Variants in MAP7 observed in about 807,000 individuals in gnomAD.
The protein encoded by MAP7 is microtubule associated protein 7.
A neutral mutation model predicts 94.8 loss-of-function variants in MAP7; 52 were observed. That is an observed-to-expected ratio of 0.55 (90% CI 0.44 to 0.69). The LOEUF (loss-of-function observed/expected upper bound fraction) is 0.69, where lower values mean the gene tolerates loss of function less well. MAP7 is among the 30% of genes least tolerant of loss of function. MAP7 has a pLI of 0.00. For missense variants in MAP7, 940 were observed against 964.6 expected, an observed-to-expected ratio of 0.97 and a Z score of 0.34; for synonymous variants, 350 against 357.0, an observed-to-expected ratio of 0.98 and a Z score of 0.22.
At chr6:136,460,893 A>G (rs756257022) in intron 1 of MAP7, among the ~76,000 whole-genome samples, 10 of 152,152 alleles carry the variant, frequency 6.6e-5, no homozygotes, top group Non-Finnish European at 1.0e-4. Context: ...CAATGAGAAC[A>G]CATCATTTTC....
chr6:136,381,919 C>CAGAG (rs1554237619), intron 6 of MAP7, among the ~76,000 whole-genome samples: 1,346 of 102,960 alleles, frequency 0.013, 26 homozygotes, highest in Non-Finnish European at 0.02. Flanking sequence ...CACACACACA[C>CAGAG]AGAGAGAGAG....
intron 1 of MAP7, among the ~76,000 whole-genome samples, chr6:136,449,972 T>C (rs1273073324): frequency 6.6e-6 from 1 of 152,206 alleles, no homozygotes; most frequent in Non-Finnish European, 1.5e-5. Context: ...GCAGATCACC[T>C]GAGGTCAGGA....
At position 136,372,602 on chromosome 6, in the gene MAP7, G is replaced by A. The variant is rs1774884687; in HGVS notation, c.775C>T (p.Pro259Ser). Residue 259 changes from proline to serine, a missense_variant, in exon 8 of 18, where the codon CCC (proline) becomes TCC (serine). Pro to Ser is a moderately conservative substitution (Grantham distance 74, BLOSUM62 -1). Transcript: ENST00000354570. ...TTTCTAGAGTGTGCAGCTTTGTAGGGCATGATGATGGGGCTGCAAGATGCT... is the reference window on the plus strand; with the variant it reads ...TTTCTAGAGTGTGCAGCTTTGTAGGACATGATGATGGGGCTGCAAGATGCT... ...EAASCSPIIMPYKAAHSRNSM... is the reference protein window; with the variant it reads ...EAASCSPIIMSYKAAHSRNSM... 2 of 1,614,046 alleles carry A rather than the reference G, an allele frequency of 1.2e-6. No individual in the cohort carries two copies. Among genetic ancestry groups the A allele is most frequent in the Non-Finnish European group, 1.7e-6 (2 of 1,180,030 alleles).
At chr6:136,547,991 C>G (rs1829860782) in intron 1 of MAP7, among the ~76,000 whole-genome samples, 1 of 151,924 alleles carries the variant, frequency 6.6e-6, no homozygotes, top group Non-Finnish European at 1.5e-5. Flanking sequence ...ATAATGAGTT[C>G]TAAAAAGAAA....
At chr6:136,460,425 AT>A (rs1804810455) in intron 1 of MAP7, among the ~76,000 whole-genome samples, 1 of 152,212 alleles carries the variant, frequency 6.6e-6, no homozygotes, top group South Asian at 2.1e-4. Flanking sequence ...ATTAAAATAA[AT>A]ACATTTACTT....
intron 1 of MAP7, among the ~76,000 whole-genome samples, chr6:136,524,424 T>C (rs903201487): frequency 2.6e-5 from 4 of 152,220 alleles, no homozygotes; most frequent in Non-Finnish European, 5.9e-5. Context: ...GGCAAAATGA[T>C]TTGCTGCTAA....
intron 8 of MAP7, among the ~76,000 whole-genome samples, chr6:136,368,195 G>C (rs1794807410): frequency 6.6e-6 from 1 of 151,850 alleles, no homozygotes; most frequent in South Asian, 2.1e-4. Context: ...CCCAACCAGG[G>C]AGTTTTTTTT....
At chr6:136,478,896 A>G (rs1196606326) in intron 1 of MAP7, among the ~76,000 whole-genome samples, 1 of 150,704 alleles carries the variant, frequency 6.6e-6, no homozygotes, top group Non-Finnish European at 1.5e-5. Flanking sequence ...TCCTACTCAA[A>G]TTTTTTCCAG....
At chr6:136,466,699 T>C in intron 1 of MAP7, 2 of 1,488,046 alleles carry the variant, frequency 1.3e-6, no homozygotes, top group South Asian at 1.2e-5. Context: ...ATTTAAAGAT[T>C]GCCTGATTCT....
intron 6 of MAP7, among the ~76,000 whole-genome samples, chr6:136,382,993 T>G (rs576168290): frequency 1.8e-4 from 28 of 152,322 alleles, no homozygotes; most frequent in South Asian, 1.2e-3. Context: ...AAACTTTTGC[T>G]TTATAAATAA....
At chr6:136,348,339 T>C (rs563654978) in intron 16 of MAP7, among the ~76,000 whole-genome samples, 3 of 152,168 alleles carry the variant, frequency 2.0e-5, no homozygotes, top group Non-Finnish European at 4.4e-5. Flanking sequence ...CTGCCCATTC[T>C]ACCTGCTGGC....
At chr6:136,351,595 CT>C (rs1021636794) in intron 16 of MAP7, among the ~76,000 whole-genome samples, 1 of 152,174 alleles carries the variant, frequency 6.6e-6, no homozygotes, top group Admixed American at 6.5e-5. Flanking sequence ...CAGCCTGGAA[CT>C]TTTGGTTCTG....
At chr6:136,443,543 C>A (rs1240880169) in intron 1 of MAP7, among the ~76,000 whole-genome samples, 2 of 150,604 alleles carry the variant, frequency 1.3e-5, no homozygotes, top group East Asian at 3.9e-4. Flanking sequence ...CCTCCACTCC[C>A]GGATTCAAGC....
intron 7 of MAP7, among the ~76,000 whole-genome samples, chr6:136,374,191 C>T (rs1775411073): frequency 6.6e-6 from 1 of 152,210 alleles, no homozygotes; most frequent in African/African-American, 2.4e-5. Context: ...TGGAAACTGA[C>T]ATAAAGCTTT....
At chr6:136,474,111 A>C (rs1391312062) in intron 1 of MAP7, among the ~76,000 whole-genome samples, 1 of 152,150 alleles carries the variant, frequency 6.6e-6, no homozygotes, top group Non-Finnish European at 1.5e-5. Context: ...GTAAGGGCAA[A>C]GACCCTGAGG....
At chr6:136,441,459 T>C (rs1047578241) in intron 1 of MAP7, among the ~76,000 whole-genome samples, 2 of 152,226 alleles carry the variant, frequency 1.3e-5, no homozygotes, top group Non-Finnish European at 2.9e-5. Context: ...AATGGTGTTT[T>C]AGTAACTGTT....
At chr6:136,348,977 C>T (rs1394808325) in intron 16 of MAP7, among the ~76,000 whole-genome samples, 1 of 152,194 alleles carries the variant, frequency 6.6e-6, no homozygotes, top group African/African-American at 2.4e-5. Context: ...GCTTCTTAGC[C>T]TCTGGACTAG....
Position 136,359,862 on chromosome 6 carries a change from T to G in MAP7, c.1870A>C (p.Arg624=). 6.2e-7 allele frequency: 1 copy of G among 1,613,646 alleles called. No individual in the cohort carries two copies. Among genetic ancestry groups the G allele is most frequent in the Non-Finnish European group, 8.5e-7 (1 of 1,179,980 alleles). ...GCTCCCTTGGCTATATCACCGTTTC[T>G]CTGATCACTGGTTTTCTACGAAGAA... ...EATDKKTSDQ[R]NGDIAKGALT... The change falls in exon 15 of 18, where the codon AGA becomes CGA. Residue 624 remains arginine, a synonymous_variant. Transcript: ENST00000354570.
At chr6:136,440,768 C>T (rs142218323) in intron 1 of MAP7, among the ~76,000 whole-genome samples, 156 of 151,236 alleles carry the variant, frequency 1.0e-3, no homozygotes, top group Admixed American at 4.4e-3. Flanking sequence ...TCTCAAATGC[C>T]GGAGAGCCCA....
Sources: allele counts gnomAD v4.1 joint callset (sites outside exome capture counted in the v4.1 genomes callset), GRCh38; gene constraint gnomAD v4.1.1; transcripts MANE v1.5; gene names NCBI Gene and HGNC (gene_info 2026-07-23, HGNC 2026-07-21).